MMP16: variants seen among roughly 807,000 people sequenced by gnomAD.
MMP16 encodes matrix metallopeptidase 16.
In MMP16, 12 loss-of-function variants were observed where a neutral mutation model predicts 67.8. The ratio of observed to expected loss-of-function variants is 0.18; its 90% confidence interval spans 0.11 to 0.29. MMP16 has a LOEUF of 0.29. MMP16 is among the 10% of genes least tolerant of loss of function. The pLI is 1.00. For missense variants in MMP16, 475 were observed against 765.7 expected, an observed-to-expected ratio of 0.62 and a Z score of 4.48; for synonymous variants, 249 against 255.9, an observed-to-expected ratio of 0.97 and a Z score of 0.26.
intron 4 of MMP16, among the ~76,000 whole-genome samples, chr8:88,165,850 T>A (rs1003488348): frequency 1.3e-5 from 2 of 152,092 alleles, no homozygotes; most frequent in Non-Finnish European, 2.9e-5. Context: ...TAAACATAAG[T>A]CTGTTTGCCT....
rs569048647 is a variant in MMP16, at chr8:88,310,231, T to C, written c.132+16844A>G. On this transcript the variant is annotated intron_variant, in intron 1 of 9. Transcript: ENST00000286614. The stretch of plus-strand genomic sequence containing the variant: ...ATTTTTAATGCCAAGGCAAAAGGCA[T>C]TTATATAAACGTTCTATTGGTGAAT... Among the ~76,000 whole-genome samples, 5 of 152,248 alleles carry C rather than the reference T, an allele frequency of 3.3e-5. No homozygotes were observed. The East Asian group carries it at 9.6e-4, about 29-fold the overall frequency.
intron 1 of MMP16, among the ~76,000 whole-genome samples, chr8:88,262,956 T>C (rs1397535238): frequency 1.4e-5 from 2 of 143,362 alleles, no homozygotes; most frequent in East Asian, 2.1e-4. Flanking sequence ...ACCCAGGAGG[T>C]GGAGCTTGCA....
chr8:88,201,788 C>T (rs1442109192), intron 1 of MMP16, among the ~76,000 whole-genome samples: 1 of 152,040 alleles, frequency 6.6e-6, no homozygotes, highest in Non-Finnish European at 1.5e-5. Context: ...TAACTAACAA[C>T]TAAAAGGTGA....
At position 88,135,454 on chromosome 8, in the gene MMP16, C is replaced by T. The variant is rs138300563; in HGVS notation, c.710-16593G>A. Reference sequence around the variant, plus strand: ...GTTCTAAGACAGAAGTATGTACAGGCTAGTAAAGACTCAGATGAAATGAAC... The same window carrying T: ...GTTCTAAGACAGAAGTATGTACAGGTTAGTAAAGACTCAGATGAAATGAAC... On this transcript the variant is annotated intron_variant, in intron 4 of 9. Transcript: ENST00000286614. Among the ~76,000 whole-genome samples, 118 of 151,764 alleles carry T rather than the reference C, an allele frequency of 7.8e-4. 1 individual carries two copies. Among genetic ancestry groups the T allele is most frequent in the African/African-American group, 2.4e-3 (98 of 41,474 alleles).
At chr8:88,225,360 T>C (rs1471212957) in intron 1 of MMP16, among the ~76,000 whole-genome samples, 4 of 152,032 alleles carry the variant, frequency 2.6e-5, no homozygotes, top group African/African-American at 4.8e-5. Flanking sequence ...TCACACCATT[T>C]ATCAGTTTAT....
intron 6 of MMP16, among the ~76,000 whole-genome samples, chr8:88,112,603 G>A (rs1013608477): frequency 3.3e-5 from 5 of 150,522 alleles, no homozygotes; most frequent in African/African-American, 1.2e-4. Flanking sequence ...GGATTAGGTG[G>A]TTTACATTCT....
chr8:88,300,899 A>C (rs1439314260), intron 1 of MMP16, among the ~76,000 whole-genome samples: 1 of 152,170 alleles, frequency 6.6e-6, no homozygotes, highest in Non-Finnish European at 1.5e-5. Flanking sequence ...GAAGGACAAA[A>C]ATAACCTCAA....
chr8:88,156,219 C>G (rs751612468), intron 4 of MMP16, among the ~76,000 whole-genome samples: 1 of 151,924 alleles, frequency 6.6e-6, no homozygotes, highest in Admixed American at 6.6e-5. Flanking sequence ...GTCAAATAAT[C>G]TTTTCAATTA....
Position 88,153,241 on chromosome 8 carries a change from C to G in MMP16, c.709+14428G>C, listed in dbSNP as rs558849476. 2.0e-5 allele frequency among the ~76,000 whole-genome samples: 3 copies of G among 152,058 alleles called. 1 individual carries two copies. In the South Asian group the frequency reaches 6.3e-4, roughly 32 times the overall value. On this transcript the variant is annotated intron_variant, in intron 4 of 9. Coordinates refer to ENST00000286614, the MANE Select transcript of MMP16 (RefSeq NM_005941.5). ...GGATACAAACAAATGGAAGAACATT[C>G]CATGCTCATGGGTAGGAAGAATCAA...
At chr8:88,292,924 C>T (rs756680388) in intron 1 of MMP16, among the ~76,000 whole-genome samples, 1 of 152,028 alleles carries the variant, frequency 6.6e-6, no homozygotes, top group African/African-American at 2.4e-5. Flanking sequence ...GGGTTTTGAA[C>T]CCCTTTGAGA....
chr8:88,327,252 C>G lies in MMP16; in HGVS notation c.-46G>C. On this transcript the variant is annotated 5_prime_UTR_variant, in exon 1 of 10. Transcript: ENST00000286614. ...ATGGACGAGCTCCCCTTCGTTTTCT[C>G]CCTCTCTCCCTCTCCCTCCCTCCCT... 1 of 1,610,678 alleles carries G rather than the reference C, an allele frequency of 6.2e-7. No homozygotes were observed. Among genetic ancestry groups the G allele is most frequent in the South Asian group, 1.1e-5 (1 of 90,928 alleles).
chr8:88,095,036 C>T (rs1406432900), intron 6 of MMP16, among the ~76,000 whole-genome samples: 1 of 151,724 alleles, frequency 6.6e-6, no homozygotes, highest in East Asian at 1.9e-4. Context: ...GGGTGGGCCA[C>T]ATGGTTACAA....
At chr8:88,251,349 A>C (rs1810217568) in intron 1 of MMP16, among the ~76,000 whole-genome samples, 1 of 151,214 alleles carries the variant, frequency 6.6e-6, no homozygotes, top group South Asian at 2.1e-4. Flanking sequence ...CATATCTACA[A>C]CTATCTGATC....
At chr8:88,162,420 T>C (rs73694257) in intron 4 of MMP16, among the ~76,000 whole-genome samples, 12,455 of 152,102 alleles carry the variant, frequency 0.082, 547 homozygotes, top group African/African-American at 0.11. Context: ...GTTCTCCAGT[T>C]TTAAAACCTG....
At chr8:88,110,568 G>A (rs1809317361) in intron 6 of MMP16, among the ~76,000 whole-genome samples, 1 of 151,562 alleles carries the variant, frequency 6.6e-6, no homozygotes, top group African/African-American at 2.4e-5. Flanking sequence ...TGGCAGTATG[G>A]AATTAAGCTG....
chr8:88,113,042 C>T lies in MMP16; in HGVS notation c.1083+3465G>A, dbSNP rs79730304. Among the ~76,000 whole-genome samples the T allele has an allele frequency of 1.2e-3, 178 of 151,796 alleles. 1 individual carries two copies. The highest frequency in any genetic ancestry group is 3.9e-3 in the African/African-American group (162 of 41,480). On this transcript the variant is annotated intron_variant, in intron 6 of 9. Transcript: ENST00000286614. Reference sequence around the variant, plus strand: ...GGATTTCATTTAGGCTGACTATCATCGTATAAAAATAATATTGGTCACAGT... The same window carrying T: ...GGATTTCATTTAGGCTGACTATCATTGTATAAAAATAATATTGGTCACAGT...
chr8:88,033,859 CAG>C lies in MMP16; in HGVS notation c.*7600_*7601del, dbSNP rs1433824822. On this transcript the variant is annotated 3_prime_UTR_variant, in exon 10 of 10. Coordinates refer to ENST00000286614, the MANE Select transcript of MMP16 (RefSeq NM_005941.5). ...CTAATATATATGTAATTTACACTTACAGAGAAATAGACCAAAGGATGAAGGTT... is the reference window on the plus strand; with the variant it reads ...CTAATATATATGTAATTTACACTTACAGAAATAGACCAAAGGATGAAGGTT... 6.6e-6 allele frequency: 1 copy of C among 152,010 alleles called. No individual in the cohort carries two copies. Among genetic ancestry groups the C allele is most frequent in the Non-Finnish European group, 1.5e-5 (1 of 67,948 alleles). The allele number at this position is 152,010 out of a possible 1,614,324, so 9.4% of individuals were successfully genotyped here. A position where few individuals can be genotyped will look rare whatever the true frequency, so the allele number is the denominator to read the frequency against.
At chr8:88,277,170 T>C (rs1372153393) in intron 1 of MMP16, among the ~76,000 whole-genome samples, 1 of 152,196 alleles carries the variant, frequency 6.6e-6, no homozygotes. Flanking sequence ...GTTCAACTTT[T>C]ACATATTAAT....
At chr8:88,309,629 T>TA (rs1193357560) in intron 1 of MMP16, among the ~76,000 whole-genome samples, 3 of 152,060 alleles carry the variant, frequency 2.0e-5, no homozygotes, top group Non-Finnish European at 4.4e-5. Flanking sequence ...TTTTTCCTGT[T>TA]AAACACAAAA....
Sources: allele counts gnomAD v4.1 joint callset (sites outside exome capture counted in the v4.1 genomes callset), GRCh38; gene constraint gnomAD v4.1.1; transcripts MANE v1.5; gene names NCBI Gene and HGNC (gene_info 2026-07-23, HGNC 2026-07-21).